TEAD1: variants seen among roughly 807,000 people sequenced by gnomAD.
TEAD1 encodes the protein transcriptional enhancer factor TEF-1.
In TEAD1, 9 loss-of-function variants were observed where a neutral mutation model predicts 54.9. The ratio of observed to expected loss-of-function variants is 0.16; its 90% confidence interval spans 0.10 to 0.29. The LOEUF (loss-of-function observed/expected upper bound fraction) is 0.29, where lower values mean the gene tolerates loss of function less well. TEAD1 is among the 10% of genes least tolerant of loss of function. The pLI is 1.00. For missense variants in TEAD1, 387 were observed against 535.9 expected, an observed-to-expected ratio of 0.72 and a Z score of 2.74; for synonymous variants, 200 against 187.8, an observed-to-expected ratio of 1.07 and a Z score of -0.53.
intron 2 of TEAD1, among the ~76,000 whole-genome samples, chr11:12,758,160 C>T (rs1478632349): frequency 6.6e-6 from 1 of 151,876 alleles, no homozygotes; most frequent in African/African-American, 2.4e-5. Flanking sequence ...TACATAGTCT[C>T]TGCCCTCAGG....
chr11:12,843,952 C>G (rs984785585), intron 3 of TEAD1, among the ~76,000 whole-genome samples: 7 of 152,136 alleles, frequency 4.6e-5, no homozygotes, highest in Non-Finnish European at 8.8e-5. Context: ...TTTCCGTTTT[C>G]TTTTACTTTA....
intron 12 of TEAD1, among the ~76,000 whole-genome samples, chr11:12,933,674 G>A (rs1949051690): frequency 6.6e-6 from 1 of 152,172 alleles, no homozygotes; most frequent in African/African-American, 2.4e-5. Context: ...AAGCTTGCAA[G>A]AAGTTTGAAT....
At chr11:12,838,338 T>A (rs1946950386) in intron 3 of TEAD1, among the ~76,000 whole-genome samples, 2 of 152,212 alleles carry the variant, frequency 1.3e-5, no homozygotes, top group South Asian at 2.1e-4. Flanking sequence ...TCCAAGAATA[T>A]CCCTAGGCCC....
Position 12,881,043 on chromosome 11 carries a change from C to T in TEAD1, c.504C>T (p.Ser168=). ...TGATTCAAACAGGGCAGCCAGGATC[C>T]TCACAAGAGTAAGTCTGAGGAGGGG... Residue 168 remains serine (S), a synonymous_variant, in exon 7 of 13, where the codon TCC becomes TCT. Coordinates refer to ENST00000527636, the MANE Select transcript of TEAD1 (RefSeq NM_021961.6). The T allele has an allele frequency of 6.2e-7, 1 of 1,614,152 alleles. No homozygotes were observed. The highest frequency in any genetic ancestry group is 8.5e-7 in the Non-Finnish European group (1 of 1,180,020).
chr11:12,884,913 T>C (rs973007343), intron 9 of TEAD1, among the ~76,000 whole-genome samples: 4 of 152,180 alleles, frequency 2.6e-5, no homozygotes, highest in African/African-American at 9.7e-5. Flanking sequence ...GCATACATAG[T>C]TCTTTGGTTG....
chr11:12,797,044 C>T (rs1015834206), intron 3 of TEAD1, among the ~76,000 whole-genome samples: 28 of 152,062 alleles, frequency 1.8e-4, no homozygotes, highest in South Asian at 1.7e-3. Flanking sequence ...ACCCGGGAGG[C>T]GGAGCTTGCA....
In TEAD1 at chr11:12,901,812, A is replaced by G. The variant is rs767613610; in HGVS notation, c.700-128A>G. ...TAAACATACTCATCATTTCAAAAGC[A>G]TTGATCCTGGACTGGAAGGCCTAAT... On this transcript the variant is annotated intron_variant, in intron 9 of 12. Transcript: ENST00000527636. 39 of 1,044,744 alleles carry G rather than the reference A, an allele frequency of 3.7e-5. No individual in the cohort carries two copies. In the Admixed American group the frequency reaches 6.8e-4, roughly 18 times the overall value. 64.7% of individuals were successfully genotyped at this position (1,044,744 alleles called of 1,614,324 possible).
At chr11:12,908,883 G>GTTTTTGTTTTTTTTTTTTTTTT (rs769023879) in intron 10 of TEAD1, among the ~76,000 whole-genome samples, 22 of 99,664 alleles carry the variant, frequency 2.2e-4, no homozygotes, top group South Asian at 9.3e-4. Context: ...CAAATTATCT[G>GTTTTTGTTTTTTTTTTTTTTTT]TTTTTTTTTT....
intron 2 of TEAD1, among the ~76,000 whole-genome samples, chr11:12,751,565 G>A (rs1263020501): frequency 1.3e-5 from 2 of 152,098 alleles, no homozygotes; most frequent in Non-Finnish European, 2.9e-5. Context: ...CAGGGAATGT[G>A]GTATCTTTAT....
intron 3 of TEAD1, among the ~76,000 whole-genome samples, chr11:12,853,771 C>G (rs1947319350): frequency 6.6e-6 from 1 of 152,158 alleles, no homozygotes; most frequent in Admixed American, 6.5e-5. Context: ...ACACAGTGTT[C>G]TATGGAGTTG....
intron 2 of TEAD1, among the ~76,000 whole-genome samples, chr11:12,675,949 CAGG>C (rs1943076394): frequency 6.6e-6 from 1 of 152,150 alleles, no homozygotes; most frequent in South Asian, 2.1e-4. Flanking sequence ...CAGCGTTTCT[CAGG>C]AGGCTTGTTA....
chr11:12,831,301 C>T (rs896386550), intron 3 of TEAD1, among the ~76,000 whole-genome samples: 3 of 152,118 alleles, frequency 2.0e-5, no homozygotes, highest in African/African-American at 7.2e-5. Context: ...CCTTCTCCTG[C>T]CCCCTCTGCC....
At chr11:12,793,085 AAG>A (rs1188126383) in intron 3 of TEAD1, among the ~76,000 whole-genome samples, 2 of 152,134 alleles carry the variant, frequency 1.3e-5, no homozygotes, top group Admixed American at 1.3e-4. Context: ...CAAAACAAAA[AAG>A]ATTTTTGCAT....
intron 9 of TEAD1, among the ~76,000 whole-genome samples, chr11:12,895,535 C>T (rs2134119666): frequency 6.6e-6 from 1 of 152,310 alleles, no homozygotes; most frequent in East Asian, 1.9e-4. Flanking sequence ...TCCTTTAAAG[C>T]CCAAGGAACT....
At chr11:12,866,861 T>C (rs1364543226) in intron 5 of TEAD1, among the ~76,000 whole-genome samples, 1 of 152,224 alleles carries the variant, frequency 6.6e-6, no homozygotes. Context: ...GCCAATATCC[T>C]GTTCAGGGAG....
intron 9 of TEAD1, among the ~76,000 whole-genome samples, chr11:12,886,263 C>G (rs936641236): frequency 6.6e-6 from 1 of 152,166 alleles, no homozygotes; most frequent in East Asian, 1.9e-4. Flanking sequence ...GTTCAGGATA[C>G]ATATGATAAT....
intron 2 of TEAD1, among the ~76,000 whole-genome samples, chr11:12,729,959 G>T (rs1204392322): frequency 1.3e-5 from 2 of 152,168 alleles, no homozygotes; most frequent in South Asian, 2.1e-4. Context: ...CATATTAAAG[G>T]CTTTGCAATG....
rs539784839 is a variant in TEAD1 at position 12,942,276 on chromosome 11, T to A, written c.*5054T>A. ...AAAGTGCTGCCATAATAACGATAAT[T>A]TGTAGAGAGACCAAAAATATTTTGA... On this transcript the variant is annotated 3_prime_UTR_variant, in exon 13 of 13. Coordinates refer to ENST00000527636, the MANE Select transcript of TEAD1 (RefSeq NM_021961.6). The A allele has an allele frequency of 6.5e-6, 1 of 152,748 alleles. No homozygotes were observed. Among genetic ancestry groups the A allele is most frequent in the African/African-American group, 2.4e-5 (1 of 41,566 alleles). The allele number at this position is 152,748 out of a possible 1,614,324, so 9.5% of individuals were successfully genotyped here.
chr11:12,897,822 C>T (rs974595888), intron 9 of TEAD1, among the ~76,000 whole-genome samples: 5 of 152,094 alleles, frequency 3.3e-5, no homozygotes, highest in Non-Finnish European at 7.3e-5. Context: ...TGTTCCTTTC[C>T]CAAATCAACT....
Sources: gnomAD v4.1 joint callset for allele counts (sites outside exome capture counted in the v4.1 genomes callset) on GRCh38, gnomAD v4.1.1 for gene constraint, MANE v1.5 for transcripts, NCBI Gene and HGNC (gene_info 2026-07-23, HGNC 2026-07-21) for gene names.